The following HDGFL2 variants were observed in gnomAD, a reference collection of about 807,000 sequenced individuals.
HDGFL2 encodes the protein hepatoma-derived growth factor-related protein 2.
In HDGFL2, 36 loss-of-function variants were observed where a neutral mutation model predicts 77.1. The ratio of observed to expected loss-of-function variants is 0.47; its 90% CI spans 0.36 to 0.62. The LOEUF (loss-of-function observed/expected upper bound fraction) is 0.62, where lower values mean the gene tolerates loss of function less well. HDGFL2 is among the 20% of genes least tolerant of loss of function. The probability of loss-of-function intolerance (pLI) is 0.00; values close to 1 mark genes in which losing one functional copy is unlikely to be tolerated. For missense variants in HDGFL2, 976 were observed against 973.4 expected (o/e 1.00, Z -0.04); for synonymous variants, 463 against 413.1 (o/e 1.12, Z -1.46).
chr19:4,472,471 CG>C, intron 1 of HDGFL2, 49 bp downstream of exon 1: 2 of 802,530 alleles, frequency 2.5e-6, no homozygotes, highest in Non-Finnish European at 3.1e-6. Context: ...GGGGGGGCAG[CG>C]GGGGCCCCGG....
At chr19:4,492,541 C>G (rs111164881) in intron 6 of HDGFL2, among the ~76,000 whole-genome samples, 8,195 of 149,858 alleles carry the variant, frequency 0.055, 727 homozygotes, top group African/African-American at 0.19. Flanking sequence ...TGTGTGGTGT[C>G]TGTGTTGTGT....
chr19:4,493,809 C>A lies in HDGFL2; in HGVS notation c.785C>A (p.Ser262Tyr). 1 of 1,539,898 alleles carries A rather than the reference C, an allele frequency of 6.5e-7. No individual in the cohort carries two copies. Among genetic ancestry groups the A allele is most frequent in the Non-Finnish European group, 8.8e-7 (1 of 1,139,598 alleles). The change falls in exon 7 of 16, where the codon TCC (serine) becomes TAC (tyrosine). Residue 262 changes from serine to tyrosine, a missense_variant. Physicochemically the swap from Ser to Tyr is moderately radical, Grantham distance 144. Transcript: ENST00000616600. Reference sequence around the variant, plus strand: ...GCGTCCTCCTCCTCCTCTTCCTCCTCCTCCTCCGACTCCGATGTGTCTGTG... The same window carrying A: ...GCGTCCTCCTCCTCCTCTTCCTCCTACTCCTCCGACTCCGATGTGTCTGTG... Reference protein sequence around the residue: ...RSASSSSSSSSSSDSDVSVKK... With the variant: ...RSASSSSSSSYSSDSDVSVKK...
intron 6 of HDGFL2, 139 bp from the exon 7 acceptor site, chr19:4,493,564 G>C: frequency 1.7e-6 from 2 of 1,162,222 alleles, no homozygotes; most frequent in Non-Finnish European, 2.2e-6. Flanking sequence ...GTGGGTGGGA[G>C]GGGATTCGGA....
intron 6 of HDGFL2, among the ~76,000 whole-genome samples, chr19:4,492,874 GGTGTGGTGTGTGTT>G (rs1975563090): frequency 7.5e-6 from 1 of 133,754 alleles, no homozygotes; most frequent in Non-Finnish European, 1.6e-5. Flanking sequence ...TGGTGTGTGT[GGTGTGGTGTGTGTT>G]ATCTGTGGTG....
At chr19:4,473,407 C>T (rs901693141) in intron 1 of HDGFL2, among the ~76,000 whole-genome samples, 12 of 151,742 alleles carry the variant, frequency 7.9e-5, no homozygotes, top group African/African-American at 2.9e-4. Flanking sequence ...GAGCCGTGCG[C>T]AGGGTGTCTG....
rs759386156 is a variant in HDGFL2 at position 4,488,755 on chromosome 19, G to A, written c.368G>A (p.Arg123Gln). The change falls in exon 4 of 16, where the codon CGG (arginine) becomes CAG (glutamine). Residue 123 changes from arginine (R) to glutamine (Q), a missense_variant. Around this residue, in one of 5 missense-constraint regions of HDGFL2, gnomAD observed 567 missense variants for 534.7 expected, o/e 1.06. Coordinates refer to ENST00000616600, the MANE Select transcript of HDGFL2 (RefSeq NM_001001520.3). ...GACGCTGACGAGGACGATGAGGACC[G>A]GGGGGTCATGGCCGTCACAGCGGTA... ...GSDADEDDED[R>Q]GVMAVTAVTA... The A allele has an allele frequency of 1.6e-5, 25 of 1,552,642 alleles. No individual in the cohort carries two copies. Among genetic ancestry groups the A allele is most frequent in the African/African-American group, 1.4e-4 (10 of 73,202 alleles).
In HDGFL2 at chr19:4,491,632, G is replaced by A. The variant is rs1019404524; in HGVS notation, c.556G>A (p.Glu186Lys). 5.6e-6 allele frequency: 9 copies of A among 1,613,890 alleles called. No individual in the cohort carries two copies. Among genetic ancestry groups the A allele is most frequent in the East Asian group, 4.5e-5 (2 of 44,872 alleles). ...GGATCAGGCCAGCGTGTCCCCATCCGAAGAGGAGAACTCGGAAAGCTCATC... is the reference window on the plus strand; with the variant it reads ...GGATCAGGCCAGCGTGTCCCCATCCAAAGAGGAGAACTCGGAAAGCTCATC... ...DLDQASVSPS[E>K]EENSESSSES... Residue 186 changes from glutamate (E) to lysine (K), a missense_variant, in exon 5 of 16, where the codon GAA (glutamate) becomes AAA (lysine). Coordinates refer to ENST00000616600, the MANE Select transcript of HDGFL2 (RefSeq NM_001001520.3).
At position 4,498,952 on chromosome 19, in the gene HDGFL2, G is replaced by C. The variant is rs576358791; in HGVS notation, c.1575+37G>C. On this transcript the variant is annotated intron_variant, in intron 13 of 15. Transcript: ENST00000616600. Reference sequence around the variant, plus strand: ...GAATCAGAGGCGCAGGGTGCAGTCGGGGGAGCTGGGAGCAAGTGCCTGCCC... The same window carrying C: ...GAATCAGAGGCGCAGGGTGCAGTCGCGGGAGCTGGGAGCAAGTGCCTGCCC... 6 of 1,462,726 alleles carry C rather than the reference G, an allele frequency of 4.1e-6. No individual in the cohort carries two copies. The South Asian group carries it at 6.0e-5, about 15-fold the overall frequency. The allele number at this position is 1,462,726 out of a possible 1,614,324, so 90.6% of individuals were successfully genotyped here.
In HDGFL2 at chr19:4,475,123, G is replaced by T. The variant is rs930432900; in HGVS notation, c.73-152G>T. 13 of 656,562 alleles carry T rather than the reference G, an allele frequency of 2.0e-5. No homozygotes were observed. The South Asian group carries it at 2.1e-4, about 11-fold the overall frequency. 40.7% of individuals were successfully genotyped at this position (656,562 alleles called of 1,614,324 possible). ...GCTTTGCAGTGAAGGGTACACAGAA[G>T]AATGCAGCTTCCCATCGGGAAGGGG... is the stretch of plus-strand genomic sequence containing the variant. On this transcript the variant is annotated intron_variant, in intron 1 of 15. Coordinates refer to ENST00000616600, the MANE Select transcript of HDGFL2 (RefSeq NM_001001520.3).
chr19:4,485,765 C>T (rs563031749), intron 3 of HDGFL2, among the ~76,000 whole-genome samples: 2 of 144,636 alleles, frequency 1.4e-5, no homozygotes, highest in Non-Finnish European at 3.0e-5. Flanking sequence ...ATCTCAATCT[C>T]GTGGGGTGCG....
chr19:4,490,177 T>C (rs1329926212), intron 4 of HDGFL2, among the ~76,000 whole-genome samples: 1 of 152,144 alleles, frequency 6.6e-6, no homozygotes, highest in African/African-American at 2.4e-5. Context: ...ATCCTCCACC[T>C]CCCGGGTTCA....
chr19:4,494,411 A>G lies in HDGFL2; in HGVS notation c.1160A>G (p.Lys387Arg), dbSNP rs2145203932. 3 of 1,405,722 alleles carry G rather than the reference A, an allele frequency of 2.1e-6. No homozygotes were observed. The highest frequency in any genetic ancestry group is 2.8e-6 in the Non-Finnish European group (3 of 1,084,628). 87.1% of individuals were successfully genotyped at this position (1,405,722 alleles called of 1,614,324 possible). A position where few individuals can be genotyped will look rare whatever the true frequency, so the allele number is the denominator to read the frequency against. The change falls in exon 9 of 16, where the codon AAG (lysine) becomes AGG (arginine). Residue 387 changes from lysine to arginine, a missense_variant. Around this residue, in one of 5 missense-constraint regions of HDGFL2, gnomAD observed 567 missense variants for 534.7 expected, o/e 1.06. Coordinates refer to ENST00000616600, the MANE Select transcript of HDGFL2 (RefSeq NM_001001520.3). ...GAGCCCGTCAAGAAGCGGGGACGCA[A>G]GGGCCGGGGCCGGGGTCCCCCGTCC... ...DDEPVKKRGR[K>R]GRGRGPPSSS...
intron 13 of HDGFL2, 68 bp downstream of exon 13, chr19:4,498,983 C>G (rs1028389881): frequency 1.5e-4 from 167 of 1,091,496 alleles, no homozygotes; most frequent in Non-Finnish European, 2.1e-4. Context: ...TGCCCGGGAG[C>G]CCAGGCCCCC....
chr19:4,487,321 A>T (rs1168893678), intron 3 of HDGFL2, among the ~76,000 whole-genome samples: 1 of 151,620 alleles, frequency 6.6e-6, no homozygotes, highest in East Asian at 1.9e-4. Flanking sequence ...CAGTGGTGTG[A>T]TCATAGCTCA....
At chr19:4,492,536 GGTGTCTGTGTT>G (rs889278342) in intron 6 of HDGFL2, among the ~76,000 whole-genome samples, 3 of 151,826 alleles carry the variant, frequency 2.0e-5, no homozygotes, top group African/African-American at 7.3e-5. Context: ...GTCTGTGTGT[GGTGTCTGTGTT>G]GTGTGTGTTT....
intron 10 of HDGFL2, chr19:4,497,486 CG>C (rs1216005784): frequency 3.3e-5 from 10 of 303,032 alleles, no homozygotes; most frequent in South Asian, 1.7e-4. Flanking sequence ...CGTGAGCCAC[CG>C]TGCTTGGTCC....
chr19:4,494,496 G>A, intron 9 of HDGFL2, 21 bp downstream of exon 9: 1 of 1,366,480 alleles, frequency 7.3e-7, no homozygotes, highest in Non-Finnish European at 9.4e-7. Flanking sequence ...AGGGCGCCGG[G>A]AGTCCCTGCC....
At position 4,494,336 on chromosome 19, in the gene HDGFL2, C is replaced by A; in HGVS notation, c.1085C>A (p.Ala362Asp). ...RRRERADRGE[A>D]ERGSGGSSGD... ...CGCGAGCGGGCCGACCGCGGGGAGGCTGAGCGGGGCAGCGGCGGCAGCAGC... is the reference window on the plus strand; with the variant it reads ...CGCGAGCGGGCCGACCGCGGGGAGGATGAGCGGGGCAGCGGCGGCAGCAGC... Residue 362 changes from alanine to aspartate, a missense_variant, in exon 9 of 16, where the codon GCT (alanine) becomes GAT (aspartate). Ala to Asp is a moderately radical substitution (Grantham distance 126). This residue lies in a region of HDGFL2 where 567 missense variants were observed against 534.7 expected (regional missense o/e 1.06). Coordinates refer to ENST00000616600, the MANE Select transcript of HDGFL2 (RefSeq NM_001001520.3). 1 of 1,415,138 alleles carries A rather than the reference C, an allele frequency of 7.1e-7. No homozygotes were observed. The highest frequency in any genetic ancestry group is 3.3e-5 in the Admixed American group (1 of 30,358). 87.7% of individuals were successfully genotyped at this position (1,415,138 alleles called of 1,614,324 possible). A position where few individuals can be genotyped will look rare whatever the true frequency, so the allele number is the denominator to read the frequency against.
intron 6 of HDGFL2, among the ~76,000 whole-genome samples, chr19:4,493,044 A>G (rs1335762875): frequency 2.7e-5 from 2 of 73,302 alleles, no homozygotes; most frequent in African/African-American, 1.2e-4. Flanking sequence ...GGTGTGTGGT[A>G]TCTGTGTGGT....
Sources: allele counts gnomAD v4.1 joint callset (sites outside exome capture counted in the v4.1 genomes callset), GRCh38; gene constraint gnomAD v4.1.1; regional missense constraint gnomAD v4.1.1; transcripts MANE v1.5; gene names NCBI Gene and HGNC (gene_info 2026-07-23, HGNC 2026-07-21).